VSTM4: variants seen among roughly 807,000 people sequenced by gnomAD.
VSTM4 encodes the protein V-set and transmembrane domain containing 4, also known as V-set and transmembrane domain-containing protein 4.
In VSTM4, 20 loss-of-function variants were observed where a neutral mutation model predicts 36.4. The ratio of observed to expected loss-of-function variants is 0.55; its 90% CI spans 0.39 to 0.80. The LOEUF (loss-of-function observed/expected upper bound fraction) is 0.80, where lower values mean the gene tolerates loss of function less well. Ranked by LOEUF, VSTM4 falls within the 30% of genes least tolerant of loss-of-function variation. VSTM4 has a pLI of 0.00. For synonymous variants in VSTM4, 182 were observed against 173.9 expected (o/e 1.05, Z -0.37); for missense variants, 392 against 404.5 (o/e 0.97, Z 0.26).
chr10:49,021,729 T>C (rs1384411520), intron 7 of VSTM4, among the ~76,000 whole-genome samples: 1 of 152,098 alleles, frequency 6.6e-6, no homozygotes, highest in Non-Finnish European at 1.5e-5. Context: ...ATAGAGGTCC[T>C]CTCCTATACT....
intron 1 of VSTM4, among the ~76,000 whole-genome samples, chr10:49,112,087 A>C (rs934582796): frequency 1.3e-5 from 2 of 152,288 alleles, no homozygotes; most frequent in Admixed American, 1.3e-4. Context: ...ACTGTACCCC[A>C]CTGTGGCCCA....
intron 6 of VSTM4, among the ~76,000 whole-genome samples, chr10:49,048,128 C>T (rs983896899): frequency 2.0e-5 from 3 of 152,200 alleles, no homozygotes; most frequent in Admixed American, 6.5e-5. Context: ...AGAAGACTTC[C>T]TCATCCCAAC....
intron 5 of VSTM4, among the ~76,000 whole-genome samples, chr10:49,049,685 C>T (rs2137911): frequency 0.6 from 91,879 of 151,902 alleles, 29,361 homozygotes; most frequent in Middle Eastern, 0.74. Context: ...TAAGGAAAGA[C>T]TCATTTACAC....
chr10:49,112,509 A>C (rs1844913228), intron 1 of VSTM4, among the ~76,000 whole-genome samples: 1 of 152,236 alleles, frequency 6.6e-6, no homozygotes, highest in South Asian at 2.1e-4. Flanking sequence ...TGCCTTTCAC[A>C]GTAAGCATAG....
chr10:49,066,620 C>T (rs1843978691), intron 4 of VSTM4, among the ~76,000 whole-genome samples: 1 of 151,940 alleles, frequency 6.6e-6, no homozygotes, highest in African/African-American at 2.4e-5. Flanking sequence ...AAAATTCATA[C>T]CAGGGTATAT....
In VSTM4 at chr10:49,071,030, C is replaced by T. The variant is rs533403529; in HGVS notation, c.634+6189G>A. ...TCTCTCTGGAAGGAACAGCCACAGG[C>T]CCTTAGCTTCATCCTCATGGAGAAG... On this transcript the variant is annotated intron_variant, in intron 4 of 7. Transcript: ENST00000332853. Among the ~76,000 whole-genome samples the T allele has an allele frequency of 3.9e-5, 6 of 152,330 alleles. No individual in the cohort carries two copies. In the East Asian group the frequency reaches 9.7e-4, roughly 25 times the overall value.
At chr10:49,095,803 C>A (rs570376379) in intron 2 of VSTM4, among the ~76,000 whole-genome samples, 2 of 152,322 alleles carry the variant, frequency 1.3e-5, no homozygotes, top group Admixed American at 1.3e-4. Context: ...ACATCTACAC[C>A]ATGGCTTCTC....
At chr10:49,034,798 GA>G (rs1176048389) in intron 7 of VSTM4, among the ~76,000 whole-genome samples, 2 of 152,000 alleles carry the variant, frequency 1.3e-5, no homozygotes, top group East Asian at 1.9e-4. Context: ...ATGTAGGACT[GA>G]AAAAGTCTTT....
rs1311610957 is a variant in VSTM4 at position 49,014,618 on chromosome 10, T to A, written c.*5032A>T. The A allele has an allele frequency of 7.0e-6, 1 of 143,198 alleles. No homozygotes were observed. Among genetic ancestry groups the A allele is most frequent in the Admixed American group, 7.0e-5 (1 of 14,286 alleles). 8.9% of individuals were successfully genotyped at this position (143,198 alleles called of 1,614,324 possible). A position where few individuals can be genotyped will look rare whatever the true frequency, so the allele number is the denominator to read the frequency against. On this transcript the variant is annotated 3_prime_UTR_variant, in exon 8 of 8. Transcript: ENST00000332853. ...TTAGGCACTGGGGAATGTTTTTTTTTTCCCAGAGAAAGAAAGCACTTTTAA... is the reference window on the plus strand; with the variant it reads ...TTAGGCACTGGGGAATGTTTTTTTTATCCCAGAGAAAGAAAGCACTTTTAA...
chr10:49,030,340 C>T (rs538385220), intron 7 of VSTM4, among the ~76,000 whole-genome samples: 1 of 152,310 alleles, frequency 6.6e-6, no homozygotes, highest in East Asian at 1.9e-4. Flanking sequence ...GCTGTGACTG[C>T]TGACTTAGGT....
In VSTM4 at chr10:49,107,390, G is replaced by A. The variant is rs116576504; in HGVS notation, c.457+204C>T. On this transcript the variant is annotated intron_variant, in intron 2 of 7. Transcript: ENST00000332853. ...CTTGGTCCTTTCTGTTCTCACTTCT[G>A]TGTCTACACAGCACATTAGCCAGTG... 3.0e-3 allele frequency among the ~76,000 whole-genome samples: 454 copies of A among 152,316 alleles called. 6 individuals are homozygous for A. Among genetic ancestry groups the A allele is most frequent in the African/African-American group, 0.011 (437 of 41,578 alleles).
intron 5 of VSTM4, among the ~76,000 whole-genome samples, chr10:49,048,897 T>C (rs917357899): frequency 2.0e-5 from 3 of 152,202 alleles, no homozygotes; most frequent in African/African-American, 7.2e-5. Context: ...TGCCTAGGGA[T>C]GCATGGGTTG....
intron 7 of VSTM4, among the ~76,000 whole-genome samples, chr10:49,037,077 T>C (rs1014978863): frequency 6.6e-5 from 10 of 152,092 alleles, no homozygotes; most frequent in Non-Finnish European, 1.5e-4. Flanking sequence ...TCTGGAAAGG[T>C]TTGCAGGAAT....
At chr10:49,087,711 T>TA (rs1477378104) in intron 2 of VSTM4, among the ~76,000 whole-genome samples, 3 of 152,072 alleles carry the variant, frequency 2.0e-5, no homozygotes, top group Non-Finnish European at 4.4e-5. Context: ...CTCCTAAACA[T>TA]ACTGGTTGTC....
chr10:49,019,597 C>T lies in VSTM4; in HGVS notation c.*53G>A. Reference sequence around the variant, plus strand: ...CATAAGGGCTTTGTCTCCAAGGCTTCATAAATCACTGGGTGGCAGGTATTA... The same window carrying T: ...CATAAGGGCTTTGTCTCCAAGGCTTTATAAATCACTGGGTGGCAGGTATTA... On this transcript the variant is annotated 3_prime_UTR_variant, in exon 8 of 8. Transcript: ENST00000332853. 6.4e-7 allele frequency: 1 copy of T among 1,552,460 alleles called. No individual in the cohort carries two copies. The highest frequency in any genetic ancestry group is 8.7e-7 in the Non-Finnish European group (1 of 1,146,160).
intron 2 of VSTM4, among the ~76,000 whole-genome samples, chr10:49,089,651 C>T (rs897371959): frequency 2.0e-5 from 3 of 152,184 alleles, no homozygotes; most frequent in Non-Finnish European, 2.9e-5. Flanking sequence ...TTTCACAGGA[C>T]GGTGCAGCAA....
chr10:49,050,499 C>T (rs1167999103), intron 5 of VSTM4, among the ~76,000 whole-genome samples: 1 of 152,168 alleles, frequency 6.6e-6, no homozygotes, highest in African/African-American at 2.4e-5. Context: ...TCCAAGAATA[C>T]AGTTCCCACT....
At chr10:49,086,074 T>C in intron 2 of VSTM4, 51 bp from the exon 3 acceptor site, 1 of 1,157,706 alleles carries the variant, frequency 8.6e-7, no homozygotes, top group Non-Finnish European at 1.2e-6. Context: ...TGCCACATGG[T>C]ACACATGGCA....
At position 49,042,719 on chromosome 10, in the gene VSTM4, G is replaced by A. The variant is rs1344530391; in HGVS notation, c.837+4264C>T. The stretch of plus-strand genomic sequence containing the variant: ...GCAGAATCATAAACAAATATCCATT[G>A]CGCTAAACACATTTCTAAACATGAA... On this transcript the variant is annotated intron_variant, in intron 7 of 7. Coordinates refer to ENST00000332853, the MANE Select transcript of VSTM4 (RefSeq NM_001031746.5). 2.6e-5 allele frequency among the ~76,000 whole-genome samples: 4 copies of A among 152,180 alleles called. No homozygotes were observed. The South Asian group carries it at 6.2e-4, about 24-fold the overall frequency.
Sources: gnomAD v4.1 joint callset for allele counts (sites outside exome capture counted in the v4.1 genomes callset) on GRCh38, gnomAD v4.1.1 for gene constraint, MANE v1.5 for transcripts, NCBI Gene and HGNC (gene_info 2026-07-23, HGNC 2026-07-21) for gene names.